The following SAE1 variants were observed in gnomAD, a reference collection of about 807,000 sequenced individuals.
The protein encoded by SAE1 is SUMO-activating enzyme subunit 1.
A neutral mutation model predicts 40.6 loss-of-function variants in SAE1; 11 were observed. The observed-to-expected ratio is 0.27, with a 90% confidence interval of 0.17 to 0.45. The LOEUF (loss-of-function observed/expected upper bound fraction) is 0.45, where lower values mean the gene tolerates loss of function less well. Among genes scored for constraint, SAE1 ranks in the 20% least tolerant of loss-of-function variants. The pLI, the probability that SAE1 is intolerant of heterozygous loss-of-function variation, is 1.00. For synonymous variants in SAE1, 155 were observed against 154.3 expected (o/e 1.00, Z -0.03); for missense variants, 373 against 427.3 (o/e 0.87, Z 1.12).
At chr19:47,163,035 A>T (rs1345576186) in intron 5 of SAE1, among the ~76,000 whole-genome samples, 1 of 152,166 alleles carries the variant, frequency 6.6e-6, no homozygotes, top group Non-Finnish European at 1.5e-5. Flanking sequence ...ATAATTCCAA[A>T]TGTGGAAAAT....
At chr19:47,131,537 T>C (rs1207616984) in intron 1 of SAE1, among the ~76,000 whole-genome samples, 8 of 150,682 alleles carry the variant, frequency 5.3e-5, no homozygotes, top group Non-Finnish European at 1.2e-4. Context: ...TTTTGAGGAG[T>C]TTTGGAGCAA....
intron 5 of SAE1, among the ~76,000 whole-genome samples, chr19:47,160,388 A>ATTTT (rs34266912): frequency 0.014 from 1,049 of 75,104 alleles, 14 homozygotes; most frequent in Non-Finnish European, 0.024. Context: ...CGCCCAGCTA[A>ATTTT]TTTTTTTTTT....
At chr19:47,206,716 T>C (rs1428333692) in intron 8 of SAE1, among the ~76,000 whole-genome samples, 1 of 152,176 alleles carries the variant, frequency 6.6e-6, no homozygotes, top group Non-Finnish European at 1.5e-5. Context: ...TGTGTACTGT[T>C]GGACCCTTCC....
At chr19:47,164,483 A>G (rs1418361058) in intron 5 of SAE1, among the ~76,000 whole-genome samples, 1 of 151,640 alleles carries the variant, frequency 6.6e-6, no homozygotes, top group Admixed American at 6.6e-5. Flanking sequence ...GCGTGATTTT[A>G]AATGTCTGTG....
chr19:47,197,208 C>G, intron 6 of SAE1, 25 bp from the exon 7 acceptor site: 1 of 1,574,720 alleles, frequency 6.4e-7, no homozygotes, highest in Non-Finnish European at 8.6e-7. Context: ...GGCTTTATAA[C>G]CTGCCTTCTT....
At chr19:47,174,184 C>T (rs569531351) in intron 6 of SAE1, among the ~76,000 whole-genome samples, 3 of 152,138 alleles carry the variant, frequency 2.0e-5, no homozygotes, top group African/African-American at 7.2e-5. Flanking sequence ...GTTTACCACT[C>T]TCTCCCAGAT....
chr19:47,163,762 G>A (rs954557624), intron 5 of SAE1, among the ~76,000 whole-genome samples: 1 of 152,082 alleles, frequency 6.6e-6, no homozygotes, highest in African/African-American at 2.4e-5. Flanking sequence ...ATGGGAGGAT[G>A]CACGTAGAGT....
chr19:47,186,193 T>C (rs980983758), intron 6 of SAE1, among the ~76,000 whole-genome samples: 1 of 151,276 alleles, frequency 6.6e-6, no homozygotes, highest in South Asian at 2.1e-4. Context: ...TGAGCCGAGA[T>C]CCCGCCACTG....
intron 6 of SAE1, among the ~76,000 whole-genome samples, chr19:47,181,021 A>G (rs778811157): frequency 1.3e-5 from 2 of 152,122 alleles, no homozygotes; most frequent in African/African-American, 2.4e-5. Context: ...TAGTGGAACA[A>G]TTGGTAAAAA....
Position 47,209,487 on chromosome 19 carries a change from A to T in SAE1, c.*236A>T, listed in dbSNP as rs1353305164. 20 of 637,452 alleles carry T rather than the reference A, an allele frequency of 3.1e-5. No individual in the cohort carries two copies. In the East Asian group the frequency reaches 5.7e-4, roughly 18 times the overall value. 39.5% of individuals were successfully genotyped at this position (637,452 alleles called of 1,614,324 possible). A position where few individuals can be genotyped will look rare whatever the true frequency, so the allele number is the denominator to read the frequency against. ...TCCAGCACTGTTCAGGCTGCCTGTCATCCCGGGCCTGCCAGCTCCCCTGAG... is the reference window on the plus strand; with the variant it reads ...TCCAGCACTGTTCAGGCTGCCTGTCTTCCCGGGCCTGCCAGCTCCCCTGAG... On this transcript the variant is annotated 3_prime_UTR_variant, in exon 9 of 9. Coordinates refer to ENST00000270225, the MANE Select transcript of SAE1 (RefSeq NM_005500.3).
chr19:47,174,476 A>G (rs1221297626), intron 6 of SAE1, among the ~76,000 whole-genome samples: 1 of 151,210 alleles, frequency 6.6e-6, no homozygotes, highest in East Asian at 1.9e-4. Context: ...GGTTCACCAC[A>G]ACCTCCACCT....
chr19:47,145,387 T>TC (rs923326740), intron 2 of SAE1, among the ~76,000 whole-genome samples: 3 of 152,130 alleles, frequency 2.0e-5, no homozygotes, highest in African/African-American at 7.2e-5. Context: ...CCTCAGGTGA[T>TC]CCGCTGGCCT....
intron 5 of SAE1, among the ~76,000 whole-genome samples, chr19:47,167,756 G>A (rs769964808): frequency 6.6e-5 from 10 of 151,808 alleles, no homozygotes; most frequent in Non-Finnish European, 1.2e-4. Context: ...CCCCCCCACC[G>A]CCCACCACCA....
In SAE1 at chr19:47,137,720, TG is replaced by T. The variant is rs1325510053; in HGVS notation, c.99-5773del. 7.6e-3 allele frequency among the ~76,000 whole-genome samples: 1,107 copies of T among 144,724 alleles called. 13 individuals carry two copies. Among genetic ancestry groups the T allele is most frequent in the Non-Finnish European group, 0.013 (845 of 65,622 alleles). The allele number at this position is 144,724 out of a possible 152,430, so 94.9% of individuals were successfully genotyped here. ...TCAGCTGATTGTGTGTGTGTGTGTG[TG>T]TGTGTGTTGTTTTTTTTTTTTTTTT... On this transcript the variant is annotated intron_variant, in intron 1 of 8. Coordinates refer to ENST00000270225, the MANE Select transcript of SAE1 (RefSeq NM_005500.3).
chr19:47,199,401 A>T (rs1456521573), intron 7 of SAE1, among the ~76,000 whole-genome samples: 1 of 151,216 alleles, frequency 6.6e-6, no homozygotes, highest in Non-Finnish European at 1.5e-5. Context: ...AAAAAAAAAA[A>T]AAAAAAAAAA....
At position 47,197,427 on chromosome 19, in the gene SAE1, T is replaced by C. The variant is rs777562690; in HGVS notation, c.878+50T>C. ...TTAGTCTGGACAGATAAAGTTTGTT[T>C]TCAGGATTTGCCTTAATTTGACAAG... On this transcript the variant is annotated intron_variant, in intron 7 of 8. Coordinates refer to ENST00000270225, the MANE Select transcript of SAE1 (RefSeq NM_005500.3). 1.8e-5 allele frequency: 27 copies of C among 1,530,558 alleles called. No individual in the cohort carries two copies. The East Asian group carries it at 6.1e-4, about 35-fold the overall frequency. 94.8% of individuals were successfully genotyped at this position (1,530,558 alleles called of 1,614,324 possible).
At chr19:47,182,466 TG>T (rs1333317189) in intron 6 of SAE1, among the ~76,000 whole-genome samples, 2 of 90,232 alleles carry the variant, frequency 2.2e-5, no homozygotes, top group South Asian at 3.8e-4. Flanking sequence ...AAAAGCGTAG[TG>T]TGTGTGTGTG....
intron 6 of SAE1, among the ~76,000 whole-genome samples, chr19:47,193,678 T>C (rs1281761868): frequency 2.6e-5 from 4 of 151,600 alleles, no homozygotes; most frequent in Non-Finnish European, 5.9e-5. Flanking sequence ...ATACAAAAAA[T>C]TAGCTGGGTG....
intron 8 of SAE1, among the ~76,000 whole-genome samples, chr19:47,205,649 A>G (rs1170275764): frequency 2.0e-5 from 3 of 152,116 alleles, no homozygotes; most frequent in Admixed American, 2.0e-4. Flanking sequence ...GGGAATGTAC[A>G]TATTTTTGTA....
Sources: gnomAD v4.1 joint callset for allele counts (sites outside exome capture counted in the v4.1 genomes callset) on GRCh38, gnomAD v4.1.1 for gene constraint, MANE v1.5 for transcripts, NCBI Gene and HGNC (gene_info 2026-07-23, HGNC 2026-07-21) for gene names.